The following CFAP69 variants were observed in gnomAD, a reference collection of about 807,000 sequenced individuals.
The protein encoded by CFAP69 is cilia and flagella associated protein 69, also known as cilia- and flagella-associated protein 69.
In CFAP69, 92 loss-of-function variants were observed where a neutral mutation model predicts 123.0. The ratio of observed to expected loss-of-function variants is 0.75; its 90% CI spans 0.63 to 0.89. The LOEUF (loss-of-function observed/expected upper bound fraction) is 0.89, where lower values mean the gene tolerates loss of function less well. Ranked by LOEUF, CFAP69 falls within the 40% of genes least tolerant of loss-of-function variation. The probability of loss-of-function intolerance (pLI) is 0.00; values close to 1 mark genes in which losing one functional copy is unlikely to be tolerated. For synonymous variants in CFAP69, 380 were observed against 364.3 expected (o/e 1.04, Z -0.49); for missense variants, 1,067 against 1,096.9 (o/e 0.97, Z 0.39).
chr7:90,296,924 G>A, intron 15 of CFAP69, among the ~76,000 whole-genome samples: 1 of 152,108 alleles, frequency 6.6e-6, no homozygotes, highest in East Asian at 1.9e-4. Flanking sequence ...TTATTATGTG[G>A]AATAGTTGGT....
At chr7:90,304,162 T>C in intron 18 of CFAP69, 56 bp downstream of exon 18, 1 of 1,451,876 alleles carries the variant, frequency 6.9e-7, no homozygotes, top group East Asian at 2.7e-5. Flanking sequence ...TACACACTGA[T>C]TTTACTTTGG....
chr7:90,296,664 G>T (rs1011755876), intron 15 of CFAP69, among the ~76,000 whole-genome samples: 1 of 152,082 alleles, frequency 6.6e-6, no homozygotes, highest in Admixed American at 6.5e-5. Flanking sequence ...AAATGTGCCC[G>T]AGGTGGTTGG....
chr7:90,264,831 G>A (rs1798914802), intron 4 of CFAP69, among the ~76,000 whole-genome samples: 1 of 151,676 alleles, frequency 6.6e-6, no homozygotes, highest in Non-Finnish European at 1.5e-5. Context: ...CGCTCACTCT[G>A]TCGCCAGGCT....
chr7:90,259,525 T>C (rs1314125863), intron 3 of CFAP69, among the ~76,000 whole-genome samples: 1 of 152,132 alleles, frequency 6.6e-6, no homozygotes, highest in Admixed American at 6.5e-5. Flanking sequence ...CATCCAGCCT[T>C]AGTTGCCCAG....
intron 9 of CFAP69, among the ~76,000 whole-genome samples, chr7:90,274,767 A>T (rs905153557): frequency 2.6e-5 from 4 of 152,124 alleles, no homozygotes; most frequent in African/African-American, 4.8e-5. Context: ...TTTGGTTCCT[A>T]GCAGTTTCGA....
chr7:90,292,305 T>C (rs1456703067), intron 15 of CFAP69, among the ~76,000 whole-genome samples: 2 of 152,140 alleles, frequency 1.3e-5, no homozygotes, highest in South Asian at 2.1e-4. Flanking sequence ...CCAAGATAAC[T>C]TGGGGCTCCT....
chr7:90,245,751 A>G (rs1584266306), intron 1 of CFAP69, among the ~76,000 whole-genome samples: 1 of 152,174 alleles, frequency 6.6e-6, no homozygotes, highest in East Asian at 1.9e-4. Flanking sequence ...GCTGTTGTCA[A>G]CCATCCTGTC....
intron 1 of CFAP69, among the ~76,000 whole-genome samples, chr7:90,254,539 C>T (rs537834459): frequency 4.6e-5 from 7 of 152,138 alleles, no homozygotes; most frequent in South Asian, 2.1e-4. Flanking sequence ...TGGTGGGGAA[C>T]GAACATGTAG....
At chr7:90,269,705 G>T (rs1249502239) in intron 6 of CFAP69, among the ~76,000 whole-genome samples, 1 of 152,152 alleles carries the variant, frequency 6.6e-6, no homozygotes, top group Non-Finnish European at 1.5e-5. Flanking sequence ...GGATTTGAGA[G>T]TGAGAGAGTA....
intron 13 of CFAP69, among the ~76,000 whole-genome samples, chr7:90,285,093 T>G (rs894648934): frequency 1.3e-5 from 2 of 152,114 alleles, no homozygotes; most frequent in African/African-American, 4.8e-5. Flanking sequence ...TGCACCCAGG[T>G]AGGAAGAAGA....
intron 1 of CFAP69, among the ~76,000 whole-genome samples, chr7:90,253,836 T>C (rs1797316061): frequency 6.6e-6 from 1 of 152,214 alleles, no homozygotes; most frequent in Admixed American, 6.5e-5. Flanking sequence ...ACTTTTTAGC[T>C]TGGTGTAATC....
At chr7:90,301,164 G>A (rs923351701) in intron 17 of CFAP69, 15 of 151,794 alleles carry the variant, frequency 9.9e-5, no homozygotes, top group African/African-American at 3.6e-4. Flanking sequence ...TAGAGACAGG[G>A]TTTCACCATG....
chr7:90,319,032 A>C, the CFAP69 span: 1 of 203,668 alleles, frequency 4.9e-6, no homozygotes, highest in Admixed American at 5.9e-5. Flanking sequence ...TGATGTTTAA[A>C]ATTTCTTCAA....
chr7:90,245,989 A>G (rs1450454091), intron 1 of CFAP69, among the ~76,000 whole-genome samples: 1 of 152,164 alleles, frequency 6.6e-6, no homozygotes, highest in Non-Finnish European at 1.5e-5. Context: ...CCATGCTTAA[A>G]TTTGCTGCGA....
rs368410617 is a variant in CFAP69, at chr7:90,268,548, A to G, written c.532+164A>G. ...TCTTTGGTCATCTTTTGAAAGTTAT[A>G]TATGTATTTTTCAGTTTTTGATTTG... On this transcript the variant is annotated intron_variant, in intron 6 of 22. Coordinates refer to ENST00000389297, the MANE Select transcript of CFAP69 (RefSeq NM_001039706.3). 2.0e-5 allele frequency among the ~76,000 whole-genome samples: 3 copies of G among 152,136 alleles called. No individual in the cohort carries two copies. The East Asian group carries it at 5.8e-4, about 29-fold the overall frequency.
In CFAP69 at chr7:90,310,332, T is replaced by G. The variant is rs539202561; in HGVS notation, c.*94T>G. The G allele has an allele frequency of 2.5e-4, 159 of 640,528 alleles. No homozygotes were observed. The highest frequency in any genetic ancestry group is 1.4e-3 in the Middle Eastern group (3 of 2,088). 39.7% of individuals were successfully genotyped at this position (640,528 alleles called of 1,614,324 possible). On this transcript the variant is annotated 3_prime_UTR_variant, in exon 23 of 23. Transcript: ENST00000389297. ...TGTAAAGCCAATATTTTAGAATAAGTATTTTAGTATAAATATTTTAGTAAA... is the reference window on the plus strand; with the variant it reads ...TGTAAAGCCAATATTTTAGAATAAGGATTTTAGTATAAATATTTTAGTAAA...
Position 90,249,538 on chromosome 7 carries a change from A to T in CFAP69, c.120+3994A>T, listed in dbSNP as rs1796715239. On this transcript the variant is annotated intron_variant, in intron 1 of 22. Transcript: ENST00000389297. ...TGGCTTCCTACAGGAAGGTAGAGGTAATGTAGTTTAAAGGGTGCTTTATCC... is the reference window on the plus strand; with the variant it reads ...TGGCTTCCTACAGGAAGGTAGAGGTTATGTAGTTTAAAGGGTGCTTTATCC... 2.0e-5 allele frequency among the ~76,000 whole-genome samples: 3 copies of T among 152,272 alleles called. No individual in the cohort carries two copies. The South Asian group carries it at 6.2e-4, about 32-fold the overall frequency.
intron 6 of CFAP69, among the ~76,000 whole-genome samples, chr7:90,268,635 T>A (rs746827329): frequency 3.0e-4 from 45 of 152,186 alleles, no homozygotes; most frequent in Non-Finnish European, 5.0e-4. Flanking sequence ...ATTTAGTTTA[T>A]TAATAATTAT....
intron 12 of CFAP69, among the ~76,000 whole-genome samples, chr7:90,280,338 C>A (rs547674865): frequency 6.6e-6 from 1 of 152,252 alleles, no homozygotes; most frequent in South Asian, 2.1e-4. Context: ...GCTGGGACTA[C>A]AAGTTCATGC....
Sources: allele counts gnomAD v4.1 joint callset (sites outside exome capture counted in the v4.1 genomes callset), GRCh38; gene constraint gnomAD v4.1.1; transcripts MANE v1.5; gene names NCBI Gene and HGNC (gene_info 2026-07-23, HGNC 2026-07-21).